CDK14: variants seen among roughly 807,000 people sequenced by gnomAD.
The protein encoded by CDK14 is cyclin-dependent kinase 14.
In CDK14, 34 loss-of-function variants were observed where a neutral mutation model predicts 60.7. That is an observed-to-expected ratio of 0.56 (90% confidence interval 0.43 to 0.75). The LOEUF (loss-of-function observed/expected upper bound fraction) is 0.75. CDK14 is among the 30% of genes least tolerant of loss of function. CDK14 has a pLI of 0.00. For synonymous variants in CDK14, 197 were observed against 203.7 expected, an observed-to-expected ratio of 0.97 and a Z score of 0.28; for missense variants, 482 against 564.1, an observed-to-expected ratio of 0.85 and a Z score of 1.47.
chr7:91,008,646 A>G (rs1282048563), intron 10 of CDK14, among the ~76,000 whole-genome samples: 1 of 152,116 alleles, frequency 6.6e-6, no homozygotes, highest in Non-Finnish European at 1.5e-5. Flanking sequence ...TGGAATAAGC[A>G]TATTCAGTTT....
At chr7:90,979,294 A>G (rs903971981) in intron 9 of CDK14, 1 of 152,122 alleles carries the variant, frequency 6.6e-6, no homozygotes, top group Admixed American at 6.6e-5. Context: ...CTTTTCTTCT[A>G]TTGTCCACAT....
chr7:90,879,792 T>G (rs1460095431), intron 6 of CDK14, among the ~76,000 whole-genome samples: 3 of 146,594 alleles, frequency 2.0e-5, no homozygotes, highest in African/African-American at 7.8e-5. Flanking sequence ...AAAAAAAAAT[T>G]GACTAGAAGG....
intron 2 of CDK14, among the ~76,000 whole-genome samples, chr7:90,637,584 TGTG>T (rs1800184613): frequency 6.6e-6 from 1 of 151,966 alleles, no homozygotes; most frequent in South Asian, 2.1e-4. Flanking sequence ...ATAGGTGTGG[TGTG>T]GTGCTGCAAA....
intron 2 of CDK14, among the ~76,000 whole-genome samples, chr7:90,699,376 C>G (rs545438266): frequency 9.8e-4 from 150 of 152,296 alleles, no homozygotes; most frequent in African/African-American, 3.3e-3. Context: ...ATAACGCTTG[C>G]TTTACTGAAC....
intron 8 of CDK14, among the ~76,000 whole-genome samples, chr7:90,937,527 T>C (rs1165760630): frequency 6.6e-6 from 1 of 152,194 alleles, no homozygotes; most frequent in South Asian, 2.1e-4. Context: ...TGTTGTTTTT[T>C]CACACCTTAG....
intron 10 of CDK14, among the ~76,000 whole-genome samples, chr7:91,031,018 A>G (rs1796745161): frequency 6.6e-6 from 1 of 152,232 alleles, no homozygotes; most frequent in Admixed American, 6.5e-5. Flanking sequence ...CTGTTGTACC[A>G]GAATGGTTTG....
chr7:90,670,741 C>T (rs1207221951), intron 2 of CDK14, among the ~76,000 whole-genome samples: 1 of 152,176 alleles, frequency 6.6e-6, no homozygotes, highest in South Asian at 2.1e-4. Flanking sequence ...ATAAGGAATC[C>T]ACCCCGCGAC....
In CDK14 at chr7:90,894,983, G is replaced by C. The variant is rs149881882; in HGVS notation, c.640-4308G>C. Among the ~76,000 whole-genome samples, 285 of 152,164 alleles carry C rather than the reference G, an allele frequency of 1.9e-3. 1 individual carries two copies. The highest frequency in any genetic ancestry group is 6.6e-3 in the African/African-American group (274 of 41,516). On this transcript the variant is annotated intron_variant, in intron 6 of 14. Transcript: ENST00000380050. ...ATACATCTGTGACTGTGATCATAGA[G>C]AGATTGTTTTAGTTCCCTCCATCCC...
At chr7:91,125,565 CCATT>C (rs1161502670) in intron 14 of CDK14, among the ~76,000 whole-genome samples, 1 of 152,110 alleles carries the variant, frequency 6.6e-6, no homozygotes, top group Non-Finnish European at 1.5e-5. Context: ...CAAACACACA[CCATT>C]CATACAGCCA....
At chr7:90,784,374 A>G (rs147685411) in intron 4 of CDK14, among the ~76,000 whole-genome samples, 75 of 152,324 alleles carry the variant, frequency 4.9e-4, no homozygotes, top group African/African-American at 1.5e-3. Flanking sequence ...ATAGTTAACA[A>G]TAATTTATTG....
At chr7:90,781,533 G>A (rs935016595) in intron 4 of CDK14, among the ~76,000 whole-genome samples, 5 of 148,138 alleles carry the variant, frequency 3.4e-5, no homozygotes, top group African/African-American at 1.2e-4. Flanking sequence ...TTTCTTCTAG[G>A]GTTTTTATGG....
intron 14 of CDK14, among the ~76,000 whole-genome samples, chr7:91,194,455 T>C (rs1007438163): frequency 6.6e-6 from 1 of 152,184 alleles, no homozygotes; most frequent in Admixed American, 6.5e-5. Context: ...TTGTATACTT[T>C]ACACAATATA....
At chr7:91,023,380 C>T (rs182605396) in intron 10 of CDK14, among the ~76,000 whole-genome samples, 102 of 152,160 alleles carry the variant, frequency 6.7e-4, no homozygotes, top group Middle Eastern at 3.4e-3. Flanking sequence ...TGTTATCACT[C>T]GGAAGATTTT....
intron 7 of CDK14, among the ~76,000 whole-genome samples, chr7:90,915,806 G>A (rs1226854519): frequency 6.6e-6 from 1 of 152,180 alleles, no homozygotes; most frequent in Non-Finnish European, 1.5e-5. Context: ...GAGGTTAATA[G>A]TAGTACCTAC....
At chr7:91,006,041 C>A (rs1795971571) in intron 10 of CDK14, among the ~76,000 whole-genome samples, 1 of 152,234 alleles carries the variant, frequency 6.6e-6, no homozygotes, top group Non-Finnish European at 1.5e-5. Context: ...AACAACTCTG[C>A]AACAAGATGG....
At chr7:90,706,104 G>T (rs1801889734) in intron 2 of CDK14, among the ~76,000 whole-genome samples, 1 of 151,866 alleles carries the variant, frequency 6.6e-6, no homozygotes, top group East Asian at 1.9e-4. Context: ...AAGCCTTTTT[G>T]TCTCTTCTCT....
chr7:90,875,603 T>C (rs1207654613), intron 6 of CDK14, among the ~76,000 whole-genome samples: 1 of 152,198 alleles, frequency 6.6e-6, no homozygotes, highest in Non-Finnish European at 1.5e-5. Flanking sequence ...ACTTATGATG[T>C]TGAACATCTT....
rs78707358 is a variant in CDK14 at position 90,919,500 on chromosome 7, G to A, written c.826+1776G>A. ...TTTTAAAATTTAGATGATTTTTTTA[G>A]AAAATTAGAAAATGTACAAAGTATA... On this transcript the variant is annotated intron_variant, in intron 8 of 14. Transcript: ENST00000380050. 6.1e-3 allele frequency among the ~76,000 whole-genome samples: 932 copies of A among 152,050 alleles called. 7 individuals carry two copies. The highest frequency in any genetic ancestry group is 0.02 in the African/African-American group (833 of 41,490).
At chr7:91,173,807 C>T (rs192752414) in intron 14 of CDK14, among the ~76,000 whole-genome samples, 13,516 of 152,218 alleles carry the variant, frequency 0.089, 736 homozygotes, top group Admixed American at 0.16. Context: ...GAGGGTCCTA[C>T]GCCCACGGAG....
Sources: gnomAD v4.1 joint callset for allele counts (sites outside exome capture counted in the v4.1 genomes callset) on GRCh38, gnomAD v4.1.1 for gene constraint, MANE v1.5 for transcripts, NCBI Gene and HGNC (gene_info 2026-07-23, HGNC 2026-07-21) for gene names.